Variants in TXNDC8 observed in about 807,000 individuals in gnomAD.
TXNDC8 encodes the protein thioredoxin domain-containing protein 8.
TXNDC8 carries 15 observed loss-of-function variants against 12.9 expected under a neutral mutation model. That is an observed-to-expected ratio of 1.16 (90% CI 0.78 to 1.79). The LOEUF (loss-of-function observed/expected upper bound fraction) is 1.79, where lower values mean the gene tolerates loss of function less well. Ranked by LOEUF, TXNDC8 falls within the 40% of genes most tolerant of loss-of-function variation. The probability of loss-of-function intolerance (pLI) is 0.00; values close to 1 mark genes in which losing one functional copy is unlikely to be tolerated. For missense variants in TXNDC8, 128 were observed against 113.2 expected, an observed-to-expected ratio of 1.13 and a Z score of -0.59; for synonymous variants, 40 against 35.4, an observed-to-expected ratio of 1.13 and a Z score of -0.46.
intron 3 of TXNDC8, among the ~76,000 whole-genome samples, chr9:110,311,554 TATA>T: frequency 7.7e-6 from 1 of 130,462 alleles, no homozygotes; most frequent in Non-Finnish European, 1.6e-5. Context: ...TATATATATA[TATA>T]TCTCCATACT....
chr9:110,302,087 G>A (rs758236342), downstream of TXNDC8, among the ~76,000 whole-genome samples: 12 of 151,854 alleles, frequency 7.9e-5, no homozygotes, highest in Non-Finnish European at 1.5e-4. Flanking sequence ...CCTTCCAGGC[G>A]CAAGTAATCC....
At chr9:110,307,951 C>T (rs1344547097) in intron 3 of TXNDC8, among the ~76,000 whole-genome samples, 5 of 152,170 alleles carry the variant, frequency 3.3e-5, no homozygotes, top group African/African-American at 1.2e-4. Flanking sequence ...TGTTCTCAAC[C>T]TTGGCAAAAT....
chr9:110,329,254 T>A (rs758538406), intron 2 of TXNDC8: 22 of 1,611,734 alleles, frequency 1.4e-5, no homozygotes, highest in South Asian at 6.6e-5. Flanking sequence ...CACATCCACA[T>A]TAGCAAAAAA....
chr9:110,331,929 G>A (rs1473758640), intron 2 of TXNDC8, among the ~76,000 whole-genome samples: 1 of 152,062 alleles, frequency 6.6e-6, no homozygotes, highest in African/African-American at 2.4e-5. Flanking sequence ...GGGGACCCCT[G>A]ATCTAGGGTA....
chr9:110,324,110 C>A, intron 3 of TXNDC8: 1 of 1,378,586 alleles, frequency 7.3e-7, no homozygotes, highest in South Asian at 1.6e-5. Flanking sequence ...AGTGTCTAAA[C>A]TCCAAGTTTT....
At chr9:110,310,786 A>G (rs1242658014) in intron 3 of TXNDC8, among the ~76,000 whole-genome samples, 4 of 152,230 alleles carry the variant, frequency 2.6e-5, no homozygotes, top group African/African-American at 7.2e-5. Context: ...TAATCAAGCA[A>G]TTTCATACTT....
At chr9:110,301,959 TTTTTTA>T (rs1838279101), downstream of TXNDC8, among the ~76,000 whole-genome samples, 1 of 152,002 alleles carries the variant, frequency 6.6e-6, no homozygotes, top group Non-Finnish European at 1.5e-5. Context: ...CCAAAGAATA[TTTTTTA>T]TTTTTATTTA....
At chr9:110,317,657 C>A (rs188580792) in intron 3 of TXNDC8, among the ~76,000 whole-genome samples, 125 of 152,358 alleles carry the variant, frequency 8.2e-4, no homozygotes, top group Admixed American at 5.5e-3. Flanking sequence ...AGGTGGGTCA[C>A]CCCAATGTCT....
chr9:110,308,374 A>G (rs1026538744), intron 3 of TXNDC8, among the ~76,000 whole-genome samples: 7 of 152,290 alleles, frequency 4.6e-5, no homozygotes, highest in Non-Finnish European at 7.4e-5. Context: ...AACCCTAGGT[A>G]AGTATCTGAA....
Position 110,314,632 on chromosome 9 carries a change from C to T in TXNDC8, c.196-10100G>A, listed in dbSNP as rs10980319. Among the ~76,000 whole-genome samples the T allele has an allele frequency of 0.018, 2,731 of 152,056 alleles. 175 individuals carry two copies. The East Asian group carries it at 0.19, about 11-fold the overall frequency. On this transcript the variant is annotated intron_variant, in intron 3 of 4. Transcript: ENST00000423740. ...TATTTTTAGTAGAGACGGGGTTTCA[C>T]TGTGTTAGCCAGGATGGTCTCTATC...
At chr9:110,304,575 G>A (rs1181774783) in intron 3 of TXNDC8, 43 bp from the exon 5 acceptor site, 1 of 1,565,946 alleles carries the variant, frequency 6.4e-7, no homozygotes, top group Non-Finnish European at 8.7e-7. Flanking sequence ...TGAGTTGCCT[G>A]GTTTGTAACC....
chr9:110,304,833 AT>A (rs1564092250), intron 3 of TXNDC8, among the ~76,000 whole-genome samples: 1 of 152,040 alleles, frequency 6.6e-6, no homozygotes, highest in East Asian at 1.9e-4. Flanking sequence ...TAATAAATTC[AT>A]TTTGCCTGTT....
chr9:110,303,289 A>G (rs1172951045), downstream of TXNDC8, among the ~76,000 whole-genome samples: 2 of 152,314 alleles, frequency 1.3e-5, no homozygotes, highest in East Asian at 3.9e-4. Flanking sequence ...CTGCCCAAGG[A>G]GTGTGCTCAG....
chr9:110,331,573 T>C (rs1839542156), intron 2 of TXNDC8, among the ~76,000 whole-genome samples: 1 of 152,210 alleles, frequency 6.6e-6, no homozygotes, highest in South Asian at 2.1e-4. Flanking sequence ...CTTGCTTTGA[T>C]CTCTGACTGA....
At chr9:110,310,668 T>C (rs762819448) in intron 3 of TXNDC8, among the ~76,000 whole-genome samples, 2 of 152,228 alleles carry the variant, frequency 1.3e-5, no homozygotes, top group Non-Finnish European at 2.9e-5. Flanking sequence ...TTCAAGTTTA[T>C]GTAACTTAAG....
intron 3 of TXNDC8, among the ~76,000 whole-genome samples, chr9:110,317,816 G>T (rs1428776196): frequency 1.3e-5 from 2 of 152,210 alleles, no homozygotes; most frequent in Non-Finnish European, 2.9e-5. Context: ...AATGCAGCAG[G>T]TCTGGTTGCT....
intron 4 of TXNDC8, chr9:110,303,829 TTAATC>T (rs1370019643): frequency 1.0e-5 from 8 of 776,330 alleles, no homozygotes; most frequent in East Asian, 8.5e-5. Flanking sequence ...TAATATACCT[TTAATC>T]TAAGATCTAA....
At chr9:110,333,485 C>T (rs1839621949) in intron 2 of TXNDC8, among the ~76,000 whole-genome samples, 1 of 152,132 alleles carries the variant, frequency 6.6e-6, no homozygotes, top group Non-Finnish European at 1.5e-5. Flanking sequence ...GGTTGGGGAC[C>T]ACTGTGATAT....
intron 3 of TXNDC8, among the ~76,000 whole-genome samples, chr9:110,309,242 G>A (rs1184342809): frequency 6.6e-6 from 1 of 152,188 alleles, no homozygotes; most frequent in Non-Finnish European, 1.5e-5. Context: ...AGTTGCCCCT[G>A]GGTGACTCGG....
Sources: allele counts gnomAD v4.1 joint callset (sites outside exome capture counted in the v4.1 genomes callset), GRCh38; gene constraint gnomAD v4.1.1; transcripts MANE v1.5; gene names NCBI Gene and HGNC (gene_info 2026-07-23, HGNC 2026-07-21).